Variants in MCTP1 observed in about 807,000 individuals in gnomAD.
MCTP1 encodes multiple C2 and transmembrane domain containing 1, also known as multiple C2 and transmembrane domain-containing protein 1.
A neutral mutation model predicts 120.6 loss-of-function variants in MCTP1; 69 were observed. The ratio of observed to expected loss-of-function variants is 0.57; its 90% CI spans 0.47 to 0.70. The LOEUF (loss-of-function observed/expected upper bound fraction) is 0.70, where lower values mean the gene tolerates loss of function less well. Ranked by LOEUF, MCTP1 falls within the 30% of genes least tolerant of loss-of-function variation. The probability of loss-of-function intolerance (pLI) is 0.00; values close to 1 mark genes in which losing one functional copy is unlikely to be tolerated. For missense variants in MCTP1, 1,203 were observed against 1,248.8 expected (o/e 0.96, Z 0.55); for synonymous variants, 529 against 493.1 (o/e 1.07, Z -0.96).
intron 1 of MCTP1, among the ~76,000 whole-genome samples, chr5:95,124,256 T>G (rs553708727): frequency 3.9e-5 from 6 of 152,226 alleles, no homozygotes; most frequent in Admixed American, 6.5e-5. Flanking sequence ...ACTGGCATAC[T>G]CTACTTTGGA....
intron 2 of MCTP1, among the ~76,000 whole-genome samples, chr5:94,962,737 A>G (rs932788310): frequency 6.6e-6 from 1 of 152,038 alleles, no homozygotes; most frequent in Non-Finnish European, 1.5e-5. Flanking sequence ...CTGGGAAGGC[A>G]GTGGGGGATA....
chr5:94,918,283 G>T (rs77007772), intron 7 of MCTP1, among the ~76,000 whole-genome samples: 4 of 152,250 alleles, frequency 2.6e-5, no homozygotes, highest in Non-Finnish European at 2.9e-5. Context: ...GTGCATCAGA[G>T]AAAATAACTA....
chr5:95,028,219 T>C (rs145303689), intron 1 of MCTP1, among the ~76,000 whole-genome samples: 174 of 152,212 alleles, frequency 1.1e-3, no homozygotes, highest in Admixed American at 2.6e-3. Context: ...AATGATACGG[T>C]AGAAACAGGT....
intron 2 of MCTP1, among the ~76,000 whole-genome samples, chr5:94,965,833 G>T (rs1007501045): frequency 6.6e-6 from 1 of 152,128 alleles, no homozygotes; most frequent in African/African-American, 2.4e-5. Flanking sequence ...GATTTGAGGG[G>T]ATGTTTTCCC....
chr5:95,103,010 C>T (rs1582256388), intron 1 of MCTP1, among the ~76,000 whole-genome samples: 1 of 152,282 alleles, frequency 6.6e-6, no homozygotes, highest in Admixed American at 6.5e-5. Context: ...TAGTACTCAA[C>T]TCAGGGAGTT....
intron 17 of MCTP1, 135 bp from the exon 18 acceptor site, chr5:94,799,267 T>C (rs1780703104): frequency 1.3e-6 from 1 of 794,636 alleles, no homozygotes; most frequent in Admixed American, 3.6e-5. Flanking sequence ...AAACAAAGCC[T>C]TGGAAACTTT....
rs1261286248 is a variant in MCTP1 at position 94,707,377 on chromosome 5, G to C, written c.*119C>G. On this transcript the variant is annotated 3_prime_UTR_variant, in exon 23 of 23. Transcript: ENST00000515393. ...TTGTACACTATTTACAGATTCTCTC[G>C]ATCATGATAAAAAGGCAAAATAAAT... The C allele has an allele frequency of 8.3e-6, 6 of 723,946 alleles. No homozygotes were observed. Among genetic ancestry groups the C allele is most frequent in the Non-Finnish European group, 1.2e-5 (5 of 425,270 alleles). 44.8% of individuals were successfully genotyped at this position (723,946 alleles called of 1,614,324 possible). A position where few individuals can be genotyped will look rare whatever the true frequency, so the allele number is the denominator to read the frequency against.
chr5:95,190,213 T>A (rs926896543), intron 1 of MCTP1, among the ~76,000 whole-genome samples: 7 of 152,146 alleles, frequency 4.6e-5, no homozygotes, highest in Non-Finnish European at 1.0e-4. Context: ...TATTTATGCC[T>A]TGTGGAACTG....
At chr5:94,768,534 A>G (rs1239346051) in intron 19 of MCTP1, among the ~76,000 whole-genome samples, 2 of 152,078 alleles carry the variant, frequency 1.3e-5, no homozygotes, top group Non-Finnish European at 2.9e-5. Context: ...CAAACAACTC[A>G]ACTAAAAAAA....
intron 19 of MCTP1, among the ~76,000 whole-genome samples, chr5:94,723,472 G>C (rs1024095637): frequency 3.3e-5 from 5 of 152,054 alleles, no homozygotes; most frequent in Non-Finnish European, 5.9e-5. Context: ...GTGTTAACTT[G>C]TCAGAGTCTA....
intron 1 of MCTP1, among the ~76,000 whole-genome samples, chr5:95,095,005 GA>G (rs1756122312): frequency 5.0e-5 from 4 of 79,540 alleles, no homozygotes; most frequent in Admixed American, 1.4e-4. Context: ...TGTTATGTTA[GA>G]TTTTTTTTTT....
intron 1 of MCTP1, among the ~76,000 whole-genome samples, chr5:95,084,498 T>G (rs1377187059): frequency 1.3e-5 from 2 of 149,684 alleles, no homozygotes; most frequent in African/African-American, 2.4e-5. Context: ...CATTAGAATC[T>G]CCAATGTACC....
chr5:94,750,947 T>C (rs1768134701), intron 19 of MCTP1, among the ~76,000 whole-genome samples: 2 of 152,064 alleles, frequency 1.3e-5, no homozygotes, highest in Non-Finnish European at 2.9e-5. Flanking sequence ...AAAAAGGAAA[T>C]GTCCCCGTCA....
chr5:94,877,124 G>T (rs1799058621), intron 12 of MCTP1, among the ~76,000 whole-genome samples: 1 of 151,994 alleles, frequency 6.6e-6, no homozygotes, highest in Non-Finnish European at 1.5e-5. Flanking sequence ...TTTTCCAGTG[G>T]CTATGACTCT....
At chr5:95,168,628 G>T (rs969021299) in intron 1 of MCTP1, among the ~76,000 whole-genome samples, 81 of 152,196 alleles carry the variant, frequency 5.3e-4, no homozygotes, top group African/African-American at 1.8e-3. Context: ...CCCTTGTAAG[G>T]TGGATTCCTA....
intron 1 of MCTP1, among the ~76,000 whole-genome samples, chr5:95,168,737 C>T (rs1395598964): frequency 2.0e-5 from 3 of 152,144 alleles, no homozygotes; most frequent in African/African-American, 4.8e-5. Flanking sequence ...GTGATTTTTG[C>T]ACATTGATTT....
At chr5:94,844,967 T>A (rs925170074) in intron 17 of MCTP1, among the ~76,000 whole-genome samples, 2 of 152,118 alleles carry the variant, frequency 1.3e-5, no homozygotes, top group African/African-American at 4.8e-5. Context: ...AAACAAAAAT[T>A]GACAAATAGA....
At chr5:95,268,636 G>A (rs1759103096) in intron 1 of MCTP1, among the ~76,000 whole-genome samples, 1 of 152,172 alleles carries the variant, frequency 6.6e-6, no homozygotes, top group South Asian at 2.1e-4. Context: ...TATCTAAATA[G>A]CTTACTCATG....
chr5:95,023,855 T>C (rs1838680808), intron 1 of MCTP1, among the ~76,000 whole-genome samples: 1 of 152,224 alleles, frequency 6.6e-6, no homozygotes, highest in Non-Finnish European at 1.5e-5. Flanking sequence ...AAATTTTAAA[T>C]ATCCTGAATG....
Sources: gnomAD v4.1 joint callset for allele counts (sites outside exome capture counted in the v4.1 genomes callset) on GRCh38, gnomAD v4.1.1 for gene constraint, MANE v1.5 for transcripts, NCBI Gene and HGNC (gene_info 2026-07-23, HGNC 2026-07-21) for gene names.